The following TRHDE variants were observed in gnomAD, a reference collection of about 807,000 sequenced individuals.
TRHDE encodes the protein thyrotropin releasing hormone degrading enzyme.
TRHDE carries 72 observed loss-of-function variants against 125.7 expected under a neutral mutation model. The observed-to-expected ratio is 0.57, with a 90% confidence interval of 0.47 to 0.70. The LOEUF (loss-of-function observed/expected upper bound fraction) is 0.70, where lower values mean the gene tolerates loss of function less well. TRHDE is among the 30% of genes least tolerant of loss of function. The pLI, the probability that TRHDE is intolerant of heterozygous loss-of-function variation, is 0.00. For synonymous variants in TRHDE, 509 were observed against 509.1 expected, an observed-to-expected ratio of 1.00 and a Z score of 0.00; for missense variants, 1,110 against 1,327.1, an observed-to-expected ratio of 0.84 and a Z score of 2.54.
intron 2 of TRHDE, among the ~76,000 whole-genome samples, chr12:72,292,610 A>T (rs962378767): frequency 6.6e-6 from 1 of 152,186 alleles, no homozygotes; most frequent in Non-Finnish European, 1.5e-5. Context: ...TGTCTACTAC[A>T]TAACAAAGGT....
intron 2 of TRHDE, among the ~76,000 whole-genome samples, chr12:72,319,782 G>C (rs923871604): frequency 5.3e-5 from 8 of 152,052 alleles, no homozygotes; most frequent in African/African-American, 1.9e-4. Context: ...TGGAGAATCT[G>C]GTTCTTTATA....
At chr12:72,595,313 G>A (rs1376684989) in intron 12 of TRHDE, among the ~76,000 whole-genome samples, 1 of 151,550 alleles carries the variant, frequency 6.6e-6, no homozygotes, top group African/African-American at 2.4e-5. Flanking sequence ...ACAAAATAAA[G>A]GATATTTTTG....
chr12:72,513,908 T>C (rs1878713929), intron 6 of TRHDE, among the ~76,000 whole-genome samples: 1 of 151,944 alleles, frequency 6.6e-6, no homozygotes, highest in Non-Finnish European at 1.5e-5. Flanking sequence ...CCTATCCCCA[T>C]CCTCAGGGGA....
At chr12:72,324,465 A>C (rs979528202) in intron 2 of TRHDE, among the ~76,000 whole-genome samples, 3 of 152,084 alleles carry the variant, frequency 2.0e-5, no homozygotes, top group Non-Finnish European at 4.4e-5. Flanking sequence ...GTCATGAAGG[A>C]TATAAAAAGG....
chr12:72,628,158 A>G (rs1039476565), intron 15 of TRHDE, among the ~76,000 whole-genome samples: 1 of 151,822 alleles, frequency 6.6e-6, no homozygotes, highest in African/African-American at 2.4e-5. Context: ...CATGCCTCCT[A>G]CCTTACAATC....
chr12:72,292,621 C>T (rs1880131059), intron 2 of TRHDE, among the ~76,000 whole-genome samples: 1 of 152,114 alleles, frequency 6.6e-6, no homozygotes, highest in Admixed American at 6.5e-5. Context: ...TAACAAAGGT[C>T]CCCTTTCCTT....
rs532120174 is a variant in TRHDE at position 72,094,814 on chromosome 12, C to T, written n.174+7375C>T. ...GAACTCACACAGTTGGTGAGTCTGC[C>T]ACCTGGGCATGGGTCTGCCCTTTCA... On this transcript the variant is annotated intron_variant and non_coding_transcript_variant, in intron 1 of 4. Transcript: ENST00000548156. Among the ~76,000 whole-genome samples the T allele has an allele frequency of 4.9e-4, 75 of 152,316 alleles. No homozygotes were observed. In the South Asian group the frequency reaches 0.015, roughly 30 times the overall value.
chr12:72,470,226 A>G (rs1876576607), intron 4 of TRHDE, among the ~76,000 whole-genome samples: 1 of 152,188 alleles, frequency 6.6e-6, no homozygotes, highest in African/African-American at 2.4e-5. Flanking sequence ...TGTGATTATT[A>G]GTGTGTATAT....
chr12:72,238,381 A>T lies in TRHDE; in HGVS notation n.279+132629A>T, dbSNP rs1268893990. Among the ~76,000 whole-genome samples the T allele has an allele frequency of 1.1e-3, 91 of 82,538 alleles. 6 individuals carry two copies. Among genetic ancestry groups the T allele is most frequent in the Admixed American group, 6.2e-3 (47 of 7,592 alleles). 54.1% of individuals were successfully genotyped at this position (82,538 alleles called of 152,430 possible). On this transcript the variant is annotated intron_variant and non_coding_transcript_variant, in intron 2 of 4. Transcript: ENST00000548156. ...TATATATACACATACATATATATAT[A>T]TTTTTTTTTAACTTTTTTTGATAAA...
intron 15 of TRHDE, among the ~76,000 whole-genome samples, chr12:72,631,182 C>T (rs1452999396): frequency 6.6e-6 from 1 of 151,570 alleles, no homozygotes; most frequent in Non-Finnish European, 1.5e-5. Flanking sequence ...ATATGTAATA[C>T]CATAACCAAT....
chr12:72,487,285 C>A (rs2135921242), intron 5 of TRHDE, among the ~76,000 whole-genome samples: 1 of 152,128 alleles, frequency 6.6e-6, no homozygotes, highest in South Asian at 2.1e-4. Context: ...TCAGTAGTCC[C>A]CAAACAGTCG....
chr12:72,313,086 G>T (rs1868624996), intron 2 of TRHDE, among the ~76,000 whole-genome samples: 1 of 151,738 alleles, frequency 6.6e-6, no homozygotes, highest in Non-Finnish European at 1.5e-5. Context: ...ATTTTTTATA[G>T]TTATTAGGTT....
chr12:72,300,393 C>CAT (rs1323238246), intron 2 of TRHDE, among the ~76,000 whole-genome samples: 1 of 151,744 alleles, frequency 6.6e-6, no homozygotes. Flanking sequence ...CACACACACA[C>CAT]ACACACATTG....
intron 16 of TRHDE, among the ~76,000 whole-genome samples, chr12:72,652,725 A>G (rs2136110321): frequency 6.6e-6 from 1 of 151,738 alleles, no homozygotes; most frequent in East Asian, 1.9e-4. Flanking sequence ...ATTTTATTAT[A>G]AAAGTGTTTA....
At position 72,663,466 on chromosome 12, in the gene TRHDE, G is replaced by T; in HGVS notation, c.*271G>T. The T allele has an allele frequency of 3.6e-6, 1 of 276,704 alleles. No homozygotes were observed. Among genetic ancestry groups the T allele is most frequent in the South Asian group, 7.4e-5 (1 of 13,444 alleles). The allele number at this position is 276,704 out of a possible 1,614,324, so 17.1% of individuals were successfully genotyped here. The stretch of plus-strand genomic sequence containing the variant: ...TGATTGCTTCAGCTGTACATTCCTT[G>T]CTGTACAGGACCAAATATGATAGTG... On this transcript the variant is annotated 3_prime_UTR_variant, in exon 19 of 19. Transcript: ENST00000261180.
In TRHDE at chr12:72,178,095, C is replaced by G. The variant is rs532473045; in HGVS notation, n.279+72343C>G. Among the ~76,000 whole-genome samples, 72 of 152,114 alleles carry G rather than the reference C, an allele frequency of 4.7e-4. 1 individual carries two copies. Among genetic ancestry groups the G allele is most frequent in the African/African-American group, 1.7e-3 (69 of 41,520 alleles). ...GCACCATTAATTGAAATGTTTGTGC[C>G]TTTGCTTTGATACATCTGCCTCACA... On this transcript the variant is annotated intron_variant and non_coding_transcript_variant, in intron 2 of 4. Coordinates refer to the TRHDE transcript ENST00000548156.
chr12:72,469,278 T>G (rs986145751), intron 3 of TRHDE, among the ~76,000 whole-genome samples: 5 of 152,138 alleles, frequency 3.3e-5, no homozygotes, highest in South Asian at 2.1e-4. Flanking sequence ...TTAACATAAC[T>G]GAAAAAATAC....
At chr12:72,324,014 T>C (rs938154726) in intron 2 of TRHDE, among the ~76,000 whole-genome samples, 7 of 152,054 alleles carry the variant, frequency 4.6e-5, no homozygotes, top group African/African-American at 1.7e-4. Flanking sequence ...TGACCATAAT[T>C]CCTGGTCTTC....
Position 72,304,790 on chromosome 12 carries a change from G to A in TRHDE, c.1188+17836G>A, listed in dbSNP as rs529502412. 7.2e-5 allele frequency among the ~76,000 whole-genome samples: 11 copies of A among 152,178 alleles called. No homozygotes were observed. In the Middle Eastern group the frequency reaches 0.01, roughly 141 times the overall value. ...CAGATTACACATCTAAATGAACCAG[G>A]GATGTTTTAGGAAATTATTAATATA... On this transcript the variant is annotated intron_variant, in intron 2 of 18. Coordinates refer to ENST00000261180, the MANE Select transcript of TRHDE (RefSeq NM_013381.3).
Sources: allele counts gnomAD v4.1 joint callset (sites outside exome capture counted in the v4.1 genomes callset), GRCh38; gene constraint gnomAD v4.1.1; transcripts MANE v1.5; gene names NCBI Gene and HGNC (gene_info 2026-07-23, HGNC 2026-07-21).